Variants in LRRC4C observed in about 807,000 individuals in gnomAD.
LRRC4C encodes leucine-rich repeat-containing protein 4C.
In LRRC4C, 5 loss-of-function variants were observed where a neutral mutation model predicts 33.6. The observed-to-expected ratio is 0.15, with a 90% CI of 0.08 to 0.31. The LOEUF (loss-of-function observed/expected upper bound fraction) is 0.31. Ranked by LOEUF, LRRC4C falls within the 10% of genes least tolerant of loss-of-function variation. The pLI, the probability that LRRC4C is intolerant of heterozygous loss-of-function variation, is 1.00. For missense variants in LRRC4C, 560 were observed against 796.7 expected (o/e 0.70, Z 3.58); for synonymous variants, 329 against 302.0 (o/e 1.09, Z -0.93).
intron 1 of LRRC4C, among the ~76,000 whole-genome samples, chr11:41,015,102 C>T (rs975424772): frequency 6.6e-6 from 1 of 152,124 alleles, no homozygotes; most frequent in Non-Finnish European, 1.5e-5. Flanking sequence ...AGAAAAAATG[C>T]TCATATCTGA....
At chr11:40,145,149 ATGAAATAGCTTATTTGG>A (rs1857636438) in intron 5 of LRRC4C, among the ~76,000 whole-genome samples, 1 of 152,220 alleles carries the variant, frequency 6.6e-6, no homozygotes, top group African/African-American at 2.4e-5. Flanking sequence ...GAATAAGATA[ATGAAATAGCTTATTTGG>A]TGAAATAAAC....
At chr11:40,728,595 C>T (rs940779861) in intron 2 of LRRC4C, among the ~76,000 whole-genome samples, 2 of 134,228 alleles carry the variant, frequency 1.5e-5, no homozygotes, top group African/African-American at 2.9e-5. Context: ...CACTGCACTC[C>T]AGCCTGGGTG....
intron 2 of LRRC4C, among the ~76,000 whole-genome samples, chr11:40,900,385 T>C (rs924570091): frequency 1.3e-5 from 2 of 152,094 alleles, no homozygotes; most frequent in African/African-American, 4.8e-5. Context: ...AACATTTATC[T>C]AAAGACTAAT....
At position 41,366,831 on chromosome 11, in the gene LRRC4C, C is replaced by T. The variant is rs536417031; in HGVS notation, c.-496+92600G>A. On this transcript the variant is annotated intron_variant, in intron 1 of 6. Transcript: ENST00000528697. ...CAAGACAAGGAGAAAGGATTGATCT[C>T]AGACTTCCAGTCTCCAGAATTGTGA... Among the ~76,000 whole-genome samples the T allele has an allele frequency of 1.6e-4, 24 of 152,248 alleles. 1 individual carries two copies. The South Asian group carries it at 4.6e-3, about 29-fold the overall frequency.
At chr11:41,289,644 C>T (rs1347552121) in intron 1 of LRRC4C, among the ~76,000 whole-genome samples, 2 of 152,138 alleles carry the variant, frequency 1.3e-5, no homozygotes, top group Non-Finnish European at 2.9e-5. Context: ...AGAGGCCTCA[C>T]CCGAAACCAA....
At chr11:41,341,865 T>C (rs1951650279) in intron 1 of LRRC4C, among the ~76,000 whole-genome samples, 1 of 152,208 alleles carries the variant, frequency 6.6e-6, no homozygotes, top group African/African-American at 2.4e-5. Context: ...AGCTCTGTTG[T>C]CTTTGGCTTT....
chr11:41,158,006 G>T (rs892705344), intron 1 of LRRC4C, among the ~76,000 whole-genome samples: 5 of 151,796 alleles, frequency 3.3e-5, no homozygotes, highest in South Asian at 2.1e-4. Context: ...ATTTATTTTT[G>T]ATTTTTATTT....
chr11:40,495,246 G>T (rs575396124), intron 3 of LRRC4C, among the ~76,000 whole-genome samples: 4 of 152,100 alleles, frequency 2.6e-5, no homozygotes, highest in Admixed American at 6.6e-5. Context: ...TGTGCGAAGC[G>T]AGGAGGTTCA....
At chr11:40,881,480 T>C (rs1214519727) in intron 2 of LRRC4C, among the ~76,000 whole-genome samples, 2 of 152,132 alleles carry the variant, frequency 1.3e-5, no homozygotes, top group Non-Finnish European at 2.9e-5. Context: ...GATTGTCACA[T>C]GGTCTTCCCT....
intron 2 of LRRC4C, among the ~76,000 whole-genome samples, chr11:40,888,325 T>C (rs1314008663): frequency 6.6e-6 from 1 of 151,976 alleles, no homozygotes; most frequent in Non-Finnish European, 1.5e-5. Context: ...TATTTTTGTC[T>C]CTTAAAATCT....
chr11:40,119,596 T>C (rs1855679638), intron 6 of LRRC4C, among the ~76,000 whole-genome samples: 1 of 152,134 alleles, frequency 6.6e-6, no homozygotes, highest in African/African-American at 2.4e-5. Flanking sequence ...TATTGAAAAA[T>C]GTATGACAAA....
At chr11:40,753,354 A>G in intron 2 of LRRC4C, among the ~76,000 whole-genome samples, 1 of 152,008 alleles carries the variant, frequency 6.6e-6, no homozygotes, top group Non-Finnish European at 1.5e-5. Flanking sequence ...TGACATCATT[A>G]TTGAACAATT....
intron 1 of LRRC4C, among the ~76,000 whole-genome samples, chr11:41,100,104 A>AAAAAC (rs935275918): frequency 1.7e-4 from 26 of 152,284 alleles, no homozygotes; most frequent in South Asian, 2.1e-4. Context: ...AATTGCTACA[A>AAAAAC]AAAACAAAAC....
intron 2 of LRRC4C, among the ~76,000 whole-genome samples, chr11:40,755,414 C>T (rs1389191326): frequency 6.6e-6 from 1 of 152,052 alleles, no homozygotes. Context: ...GCAATCATTA[C>T]AGCCAGGATG....
At chr11:40,726,526 A>G (rs1392382274) in intron 2 of LRRC4C, among the ~76,000 whole-genome samples, 1 of 152,166 alleles carries the variant, frequency 6.6e-6, no homozygotes, top group Non-Finnish European at 1.5e-5. Flanking sequence ...ATTTCAATAG[A>G]TACAGAAAAG....
chr11:40,753,237 G>C (rs1318325569), intron 2 of LRRC4C, among the ~76,000 whole-genome samples: 1 of 151,860 alleles, frequency 6.6e-6, no homozygotes, highest in Non-Finnish European at 1.5e-5. Flanking sequence ...TAGCCGATTA[G>C]GGTGACTACA....
rs1462297199 is a variant in LRRC4C at position 41,064,318 on chromosome 11, A to G, written c.-495-130595T>C. Among the ~76,000 whole-genome samples, 7 of 152,300 alleles carry G rather than the reference A, an allele frequency of 4.6e-5. No individual in the cohort carries two copies. In the East Asian group the frequency reaches 1.4e-3, roughly 29 times the overall value. Reference sequence around the variant, plus strand: ...AGTTTAAAACACCTCTTCCTTATTAAGCATTCTCTGCATTCCTGTATATCA... The same window carrying G: ...AGTTTAAAACACCTCTTCCTTATTAGGCATTCTCTGCATTCCTGTATATCA... On this transcript the variant is annotated intron_variant, in intron 1 of 6. Coordinates refer to ENST00000528697, the MANE Select transcript of LRRC4C (RefSeq NM_001258419.2).
intron 3 of LRRC4C, among the ~76,000 whole-genome samples, chr11:40,642,497 G>C (rs751580091): frequency 6.6e-6 from 1 of 152,132 alleles, no homozygotes; most frequent in African/African-American, 2.4e-5. Context: ...ACTAGCAGCA[G>C]ACAAAGATGA....
intron 1 of LRRC4C, among the ~76,000 whole-genome samples, chr11:41,108,556 C>T (rs955343736): frequency 6.6e-6 from 1 of 152,002 alleles, no homozygotes; most frequent in Non-Finnish European, 1.5e-5. Context: ...AGGCCCAGAT[C>T]GCAAATTCAT....
Sources: gnomAD v4.1 joint callset for allele counts (sites outside exome capture counted in the v4.1 genomes callset) on GRCh38, gnomAD v4.1.1 for gene constraint, MANE v1.5 for transcripts, NCBI Gene and HGNC (gene_info 2026-07-23, HGNC 2026-07-21) for gene names.